TESPA1: variants seen among roughly 807,000 people sequenced by gnomAD.
TESPA1 encodes the protein thymocyte expressed, positive selection associated 1, also known as protein TESPA1.
A neutral mutation model predicts 57.9 loss-of-function variants in TESPA1; 33 were observed. That is an observed-to-expected ratio of 0.57 (90% CI 0.43 to 0.76). TESPA1 has a LOEUF of 0.76. Ranked by LOEUF, TESPA1 falls within the 30% of genes least tolerant of loss-of-function variation. The pLI is 0.00. For synonymous variants in TESPA1, 227 were observed against 228.9 expected, an observed-to-expected ratio of 0.99 and a Z score of 0.07; for missense variants, 618 against 632.9, an observed-to-expected ratio of 0.98 and a Z score of 0.25.
chr12:54,951,505 A>T (rs186407438), intron 10 of TESPA1, among the ~76,000 whole-genome samples: 22 of 152,316 alleles, frequency 1.4e-4, no homozygotes, highest in Admixed American at 2.6e-4. Flanking sequence ...CTTCCAGGGA[A>T]ATATTTACTG....
chr12:54,951,385 A>T (rs1950378814), intron 10 of TESPA1, among the ~76,000 whole-genome samples: 2 of 150,964 alleles, frequency 1.3e-5, no homozygotes, highest in African/African-American at 4.9e-5. Context: ...AGCCAATTAA[A>T]CCTCTTTTCT....
chr12:54,953,685 A>T (rs1327964238), intron 10 of TESPA1, among the ~76,000 whole-genome samples: 1 of 151,550 alleles, frequency 6.6e-6, no homozygotes, highest in Non-Finnish European at 1.5e-5. Context: ...CGCCTGGCTA[A>T]TTTTTTTTGT....
At chr12:54,957,781 A>G (rs1176348003) in intron 10 of TESPA1, among the ~76,000 whole-genome samples, 1 of 152,224 alleles carries the variant, frequency 6.6e-6, no homozygotes, top group Non-Finnish European at 1.5e-5. Context: ...TTATAAAGTT[A>G]TGCTATTTCA....
intron 9 of TESPA1, 97 bp from the exon 10 acceptor site, chr12:54,961,364 G>A: frequency 1.5e-6 from 2 of 1,325,174 alleles, no homozygotes; most frequent in Admixed American, 1.8e-5. Context: ...AGGAGGCTGA[G>A]TGTACTTGAG....
intron 10 of TESPA1, among the ~76,000 whole-genome samples, chr12:54,958,475 G>A (rs1185141217): frequency 2.0e-5 from 3 of 151,204 alleles, no homozygotes; most frequent in African/African-American, 4.9e-5. Context: ...TATAAGCTTA[G>A]GTGTAGATTT....
rs960985 is a variant in TESPA1 at position 54,951,151 on chromosome 12, G to A, written c.*2-761C>T. Reference sequence around the variant, plus strand: ...CTGAATGTTGGAGGTGGGGCCTCATGGGAGGTGATTGGATCACAGAAGCAG... The same window carrying A: ...CTGAATGTTGGAGGTGGGGCCTCATAGGAGGTGATTGGATCACAGAAGCAG... On this transcript the variant is annotated intron_variant, in intron 10 of 10. Coordinates refer to ENST00000449076, the MANE Select transcript of TESPA1 (RefSeq NM_001136030.3). Among the ~76,000 whole-genome samples the A allele has an allele frequency of 5.7e-3, 869 of 152,246 alleles. 14 individuals are homozygous for A. The highest frequency in any genetic ancestry group is 0.02 in the African/African-American group (828 of 41,546).
At position 54,949,002 on chromosome 12, in the gene TESPA1, A is replaced by G. The variant is rs1950227640; in HGVS notation, c.*1390T>C. ...GGAATATCTTTCTCTAGGACCTGAG[A>G]ACCACCTCTTTGAAATGTTAACATC... On this transcript the variant is annotated 3_prime_UTR_variant, in exon 11 of 11. Coordinates refer to ENST00000449076, the MANE Select transcript of TESPA1 (RefSeq NM_001136030.3). The G allele has an allele frequency of 6.6e-6, 1 of 152,202 alleles. No individual in the cohort carries two copies. Among genetic ancestry groups the G allele is most frequent in the South Asian group, 2.1e-4 (1 of 4,832 alleles). 9.4% of individuals were successfully genotyped at this position (152,202 alleles called of 1,614,324 possible).
intron 2 of TESPA1, 48 bp downstream of exon 2, chr12:54,974,352 C>T (rs1565870508): frequency 4.0e-6 from 6 of 1,508,188 alleles, no homozygotes; most frequent in Admixed American, 2.1e-5. Context: ...CTGCTGTCAC[C>T]TTTTGCCGCC....
At chr12:54,966,544 G>T in intron 5 of TESPA1, 120 bp from the exon 6 acceptor site, 3 of 1,153,930 alleles carry the variant, frequency 2.6e-6, no homozygotes, top group Non-Finnish European at 3.7e-6. Context: ...TGACAGGCTA[G>T]CTGGACCCCA....
At chr12:54,961,900 C>A (rs1951102673) in intron 9 of TESPA1, among the ~76,000 whole-genome samples, 1 of 152,116 alleles carries the variant, frequency 6.6e-6, no homozygotes, top group South Asian at 2.1e-4. Context: ...CATGGACATG[C>A]AAGGTCCCTT....
chr12:54,972,410 G>A (rs1951890210), intron 3 of TESPA1, among the ~76,000 whole-genome samples: 1 of 152,154 alleles, frequency 6.6e-6, no homozygotes, highest in Admixed American at 6.5e-5. Flanking sequence ...AGTAGTTAAT[G>A]AGATAAGGAC....
At chr12:54,984,887 C>T (rs1906495), upstream of TESPA1, 50,332 of 152,200 alleles carry the variant, frequency 0.33, 10,490 homozygotes, top group East Asian at 0.89. Context: ...ACGGTGCTCA[C>T]AACTAGGAAG....
At chr12:54,969,907 T>C (rs901471542) in intron 3 of TESPA1, among the ~76,000 whole-genome samples, 10 of 152,148 alleles carry the variant, frequency 6.6e-5, no homozygotes, top group Admixed American at 1.3e-4. Context: ...TGAAAATTCA[T>C]TGAGCTATTT....
intron 4 of TESPA1, 65 bp downstream of exon 4, chr12:54,967,778 C>T: frequency 6.4e-7 from 1 of 1,574,132 alleles, no homozygotes; most frequent in Non-Finnish European, 8.7e-7. Flanking sequence ...CACTCACATA[C>T]ACACACGCAC....
intron 3 of TESPA1, among the ~76,000 whole-genome samples, chr12:54,969,691 C>T (rs10747731): frequency 0.36 from 55,411 of 151,982 alleles, 12,990 homozygotes; most frequent in East Asian, 0.92. Context: ...AAACATAATG[C>T]TAAGCAAAAG....
rs566281274 is a variant in TESPA1 at position 54,973,413 on chromosome 12, G to A, written c.206+64C>T. 2.5e-6 allele frequency: 4 copies of A among 1,605,922 alleles called. No homozygotes were observed. The African/African-American group carries it at 5.3e-5, about 21-fold the overall frequency. On this transcript the variant is annotated intron_variant, in intron 3 of 10. Transcript: ENST00000449076. ...TCTTCCCGTCTCTGAGTTTCCAGGA[G>A]TTGTGTCTGTTAGCAAATTCAACCA...
chr12:54,967,300 C>A, intron 4 of TESPA1, 64 bp from the exon 5 acceptor site: 1 of 1,554,740 alleles, frequency 6.4e-7, no homozygotes, highest in Non-Finnish European at 8.8e-7. Context: ...TGCACATGCA[C>A]ACCCCTGCAT....
chr12:54,973,089 G>A (rs1951938471), intron 3 of TESPA1, among the ~76,000 whole-genome samples: 1 of 152,108 alleles, frequency 6.6e-6, no homozygotes, highest in Non-Finnish European at 1.5e-5. Flanking sequence ...TAACACAGAT[G>A]AATTGCTCTT....
chr12:54,968,155 C>G, intron 3 of TESPA1: 1 of 669,564 alleles, frequency 1.5e-6, no homozygotes, highest in Non-Finnish European at 2.4e-6. Context: ...GGACGAAAGT[C>G]AACTTAACAA....
Sources: gnomAD v4.1 joint callset for allele counts (sites outside exome capture counted in the v4.1 genomes callset) on GRCh38, gnomAD v4.1.1 for gene constraint, MANE v1.5 for transcripts, NCBI Gene and HGNC (gene_info 2026-07-23, HGNC 2026-07-21) for gene names.